The following CNTNAP2 variants were observed in gnomAD, a reference collection of about 807,000 sequenced individuals.
CNTNAP2 encodes the protein contactin-associated protein-like 2.
Under a neutral mutation model 155.2 loss-of-function variants are expected in CNTNAP2, and 98 were observed. The ratio of observed to expected loss-of-function variants is 0.63; its 90% CI spans 0.54 to 0.75. CNTNAP2 has a LOEUF of 0.75. CNTNAP2 is among the 30% of genes least tolerant of loss of function. CNTNAP2 has a pLI of 0.00. For missense variants in CNTNAP2, 1,727 were observed against 1,688.1 expected, an observed-to-expected ratio of 1.02 and a Z score of -0.40; for synonymous variants, 651 against 631.2, an observed-to-expected ratio of 1.03 and a Z score of -0.47.
At chr7:147,180,087 A>G (rs907622954) in intron 8 of CNTNAP2, among the ~76,000 whole-genome samples, 1 of 152,122 alleles carries the variant, frequency 6.6e-6, no homozygotes, top group African/African-American at 2.4e-5. Context: ...TAGTCCTGAA[A>G]GAGGGAGGCA....
intron 13 of CNTNAP2, among the ~76,000 whole-genome samples, chr7:147,853,376 C>T (rs940613936): frequency 1.3e-5 from 2 of 152,162 alleles, no homozygotes; most frequent in Non-Finnish European, 2.9e-5. Context: ...ATAGAGACAA[C>T]CCATTTGTAC....
intron 15 of CNTNAP2, among the ~76,000 whole-genome samples, chr7:148,005,971 G>A (rs770679464): frequency 1.9e-4 from 29 of 152,102 alleles, no homozygotes; most frequent in South Asian, 6.2e-4. Context: ...AGAGTCTCAC[G>A]AGGGTCTATG....
In CNTNAP2 at chr7:148,299,029, C is replaced by T. The variant is rs187798767; in HGVS notation, c.3475+31903C>T. On this transcript the variant is annotated intron_variant, in intron 21 of 23. Transcript: ENST00000361727. ...TTTTTGAGATGGAGTCTTGCTCTGT[C>T]GCCTAGGCTGGAGTGCAGTGGCACG... Among the ~76,000 whole-genome samples the T allele has an allele frequency of 5.2e-3, 783 of 149,942 alleles. 5 individuals carry two copies. The highest frequency in any genetic ancestry group is 0.018 in the African/African-American group (742 of 40,718).
intron 18 of CNTNAP2, among the ~76,000 whole-genome samples, chr7:148,192,447 A>G (rs1379955853): frequency 6.6e-6 from 1 of 152,146 alleles, no homozygotes; most frequent in African/African-American, 2.4e-5. Context: ...ATGATTACAG[A>G]AAAACGCAAG....
intron 2 of CNTNAP2, among the ~76,000 whole-genome samples, chr7:146,802,828 A>G (rs1357930163): frequency 6.6e-6 from 1 of 152,188 alleles, no homozygotes; most frequent in Non-Finnish European, 1.5e-5. Context: ...TTTCTCTATC[A>G]TAAGGTCAAT....
chr7:148,105,727 C>G (rs1468433889), intron 15 of CNTNAP2, among the ~76,000 whole-genome samples: 2 of 152,030 alleles, frequency 1.3e-5, no homozygotes, highest in African/African-American at 2.4e-5. Context: ...GCTGGGACTA[C>G]AGGCACCTGC....
intron 13 of CNTNAP2, among the ~76,000 whole-genome samples, chr7:147,734,885 T>C (rs1336970146): frequency 6.6e-6 from 1 of 152,126 alleles, no homozygotes; most frequent in East Asian, 1.9e-4. Context: ...TTTTTTATTG[T>C]GTCTATTTGA....
intron 15 of CNTNAP2, among the ~76,000 whole-genome samples, chr7:148,009,762 A>G (rs535703090): frequency 1.3e-5 from 2 of 152,228 alleles, no homozygotes; most frequent in East Asian, 3.9e-4. Context: ...ATTCTTATTA[A>G]TGTATGCAGT....
At chr7:147,469,519 T>TTTTTTTTTTTTTTTTTTTTTTTTTTG in intron 10 of CNTNAP2, among the ~76,000 whole-genome samples, 1 of 79,816 alleles carries the variant, frequency 1.3e-5, no homozygotes. Context: ...TTTTTTTTTT[T>TTTTTTTTTTTTTTTTTTTTTTTTTTG]TTTTTTTTTT....
intron 11 of CNTNAP2, chr7:147,497,279 T>C (rs1184967962): frequency 6.6e-6 from 1 of 152,188 alleles, no homozygotes; most frequent in Non-Finnish European, 1.5e-5. Flanking sequence ...AAAGCTGCCA[T>C]AGAAGCTCCT....
At chr7:146,523,177 A>T (rs1387397359) in intron 1 of CNTNAP2, among the ~76,000 whole-genome samples, 1 of 151,898 alleles carries the variant, frequency 6.6e-6, no homozygotes. Context: ...CCCAAAGTCC[A>T]TTGGTTCATT....
intron 1 of CNTNAP2, among the ~76,000 whole-genome samples, chr7:146,466,785 T>A (rs143337103): frequency 1.1e-3 from 168 of 152,320 alleles, no homozygotes; most frequent in Middle Eastern, 3.4e-3. Flanking sequence ...TGTTGAATAA[T>A]TGACAAGCAA....
chr7:146,352,440 T>G (rs992725874), intron 1 of CNTNAP2, among the ~76,000 whole-genome samples: 4 of 152,166 alleles, frequency 2.6e-5, no homozygotes, highest in Non-Finnish European at 4.4e-5. Context: ...ATCTTAAGCA[T>G]GTAAGATTTC....
chr7:146,935,880 G>C (rs1385343797), intron 3 of CNTNAP2, among the ~76,000 whole-genome samples: 4 of 152,116 alleles, frequency 2.6e-5, no homozygotes, highest in Non-Finnish European at 5.9e-5. Context: ...GGAGACCCTA[G>C]TAGGGACCAT....
intron 3 of CNTNAP2, among the ~76,000 whole-genome samples, chr7:147,036,362 G>C (rs1451251812): frequency 6.6e-6 from 1 of 151,856 alleles, no homozygotes; most frequent in Admixed American, 6.6e-5. Context: ...AAAACTTCAG[G>C]GATGTTTATT....
At chr7:146,591,684 A>G (rs1798785803) in intron 1 of CNTNAP2, among the ~76,000 whole-genome samples, 1 of 152,130 alleles carries the variant, frequency 6.6e-6, no homozygotes, top group Non-Finnish European at 1.5e-5. Context: ...CCAATGCAAT[A>G]TTTGTGATGA....
At chr7:146,149,494 CAGCAGCACAGTGT>C (rs1798005012) in intron 1 of CNTNAP2, among the ~76,000 whole-genome samples, 1 of 152,048 alleles carries the variant, frequency 6.6e-6, no homozygotes, top group Non-Finnish European at 1.5e-5. Flanking sequence ...TGGACAGTGA[CAGCAGCACAGTGT>C]TAGGCTTACT....
intron 3 of CNTNAP2, among the ~76,000 whole-genome samples, chr7:146,874,398 G>T (rs1302269634): frequency 1.3e-5 from 2 of 152,040 alleles, no homozygotes. Context: ...GAAGTGCAAT[G>T]GTGCAATCTT....
intron 1 of CNTNAP2, among the ~76,000 whole-genome samples, chr7:146,408,415 G>A (rs1795822425): frequency 6.6e-6 from 1 of 152,010 alleles, no homozygotes; most frequent in Non-Finnish European, 1.5e-5. Context: ...AAATTCTTAA[G>A]GCAAATTTAA....
Sources: gnomAD v4.1 joint callset for allele counts (sites outside exome capture counted in the v4.1 genomes callset) on GRCh38, gnomAD v4.1.1 for gene constraint, MANE v1.5 for transcripts, NCBI Gene and HGNC (gene_info 2026-07-23, HGNC 2026-07-21) for gene names.